DNAJC6: variants seen among roughly 807,000 people sequenced by gnomAD.
The protein encoded by DNAJC6 is DnaJ heat shock protein family (Hsp40) member C6.
In DNAJC6, 34 loss-of-function variants were observed where a neutral mutation model predicts 110.0. The observed-to-expected ratio is 0.31, with a 90% CI of 0.24 to 0.41. DNAJC6 has a LOEUF of 0.41. Ranked by LOEUF, DNAJC6 falls within the 10% of genes least tolerant of loss-of-function variation. The pLI, the probability that DNAJC6 is intolerant of heterozygous loss-of-function variation, is 1.00. For synonymous variants in DNAJC6, 406 were observed against 437.2 expected, an observed-to-expected ratio of 0.93 and a Z score of 0.89; for missense variants, 1,031 against 1,207.8, an observed-to-expected ratio of 0.85 and a Z score of 2.17.
At chr1:65,362,158 G>T (rs546876490) in intron 1 of DNAJC6, among the ~76,000 whole-genome samples, 1 of 19,400 alleles carries the variant, frequency 5.2e-5, no homozygotes, top group African/African-American at 1.1e-3. Context: ...TGGAAGGGTT[G>T]CCTGGGTTCA....
chr1:65,393,512 C>T (rs767114751), intron 12 of DNAJC6, among the ~76,000 whole-genome samples: 5 of 152,158 alleles, frequency 3.3e-5, no homozygotes, highest in South Asian at 2.1e-4. Context: ...TGACTCATGC[C>T]GGAAGCACAG....
chr1:65,351,769 A>AT (rs891670138), intron 1 of DNAJC6, among the ~76,000 whole-genome samples: 1 of 152,118 alleles, frequency 6.6e-6, no homozygotes, highest in South Asian at 2.1e-4. Flanking sequence ...AGTTATATAT[A>AT]TTTTTTTTTT....
intron 1 of DNAJC6, among the ~76,000 whole-genome samples, chr1:65,321,342 A>T (rs1371167402): frequency 6.6e-6 from 1 of 152,152 alleles, no homozygotes; most frequent in Middle Eastern, 3.2e-3. Flanking sequence ...CTAGGACTAC[A>T]GGCATGCACC....
At chr1:65,304,747 A>G (rs1356051199), upstream of DNAJC6, among the ~76,000 whole-genome samples, 4 of 152,192 alleles carry the variant, frequency 2.6e-5, no homozygotes, top group Non-Finnish European at 5.9e-5. Context: ...TTTTGCCACT[A>G]CACTGCAGGT....
At position 65,394,977 on chromosome 1, in the gene DNAJC6, T is replaced by C. The variant is rs12077111; in HGVS notation, c.1983T>C (p.Ser661=). Residue 661 remains serine, a synonymous_variant, in exon 13 of 19, where the codon AGT becomes AGC. Coordinates refer to ENST00000371069, the MANE Select transcript of DNAJC6 (RefSeq NM_001256864.2). ...TGGGTTCTTTTCTGAACACATCCAG[T>C]GCTTCCAGTGACCCCTTTCTCCAGC... The part of the protein sequence containing the change: ...DLLGSFLNTS[S]ASSDPFLQPT... 0.071 allele frequency: 114,334 copies of C among 1,612,020 alleles called. 19,437 individuals are homozygous for C. Among genetic ancestry groups the C allele is most frequent in the East Asian group, 0.6 (26,715 of 44,586 alleles).
intron 1 of DNAJC6, among the ~76,000 whole-genome samples, chr1:65,356,001 G>A (rs1003229332): frequency 6.7e-6 from 1 of 150,234 alleles, no homozygotes. Context: ...TACAGATAAG[G>A]AAATCAAGAC....
chr1:65,274,006 T>C (rs537021408), intron 1 of DNAJC6, among the ~76,000 whole-genome samples: 4 of 152,342 alleles, frequency 2.6e-5, no homozygotes, highest in African/African-American at 9.6e-5. Context: ...GCGGATCTTC[T>C]GTATCCTCAC....
chr1:65,344,379 C>CAGTTGAGG (rs1645417725), intron 1 of DNAJC6, among the ~76,000 whole-genome samples: 9 of 152,164 alleles, frequency 5.9e-5, no homozygotes, highest in Non-Finnish European at 1.0e-4. Context: ...GCATCACACC[C>CAGTTGAGG]TTGAGCATGA....
chr1:65,338,167 A>G (rs927284108), intron 1 of DNAJC6, among the ~76,000 whole-genome samples: 8 of 152,180 alleles, frequency 5.3e-5, no homozygotes, highest in African/African-American at 1.9e-4. Context: ...GGACAGAGCT[A>G]GGAGCAAATT....
chr1:65,384,234 C>T lies in DNAJC6; in HGVS notation c.708C>T (p.Phe236=), dbSNP rs756549226. Residue 236 remains phenylalanine, a synonymous_variant, in exon 6 of 19, where the codon TTC becomes TTT. Transcript: ENST00000371069. Reference sequence around the variant, plus strand: ...CATCAATTCTGGTTGGTGCTATGTTCATTTTCTGTAATCTCTACTCTACTC... The same window carrying T: ...CATCAATTCTGGTTGGTGCTATGTTTATTTTCTGTAATCTCTACTCTACTC... ...AASSILVGAM[F]IFCNLYSTPG... is the part of the protein sequence containing the mutation. The T allele has an allele frequency of 1.9e-6, 3 of 1,580,414 alleles. No homozygotes were observed. The highest frequency in any genetic ancestry group is 2.6e-6 in the Non-Finnish European group (3 of 1,165,958).
intron 1 of DNAJC6, among the ~76,000 whole-genome samples, chr1:65,286,985 T>C (rs1369093305): frequency 2.0e-5 from 3 of 152,192 alleles, no homozygotes; most frequent in Non-Finnish European, 4.4e-5. Flanking sequence ...TTTGCCTCTC[T>C]AGATAAAAGC....
In DNAJC6 at chr1:65,406,231, A is replaced by G; in HGVS notation, c.2491+98A>G. On this transcript the variant is annotated intron_variant, in intron 16 of 18. Coordinates refer to ENST00000371069, the MANE Select transcript of DNAJC6 (RefSeq NM_001256864.2). ...CTGAAGGTGACAGTATTTTCTGGGT[A>G]GTTTCAATTCAGTAGTTTCTGAGGG... is the stretch of plus-strand genomic sequence containing the variant. 6.8e-6 allele frequency: 10 copies of G among 1,474,396 alleles called. No individual in the cohort carries two copies. In the South Asian group the frequency reaches 1.2e-4, roughly 18 times the overall value. The allele number at this position is 1,474,396 out of a possible 1,614,324, so 91.3% of individuals were successfully genotyped here. A position where few individuals can be genotyped will look rare whatever the true frequency, so the allele number is the denominator to read the frequency against.
chr1:65,311,265 C>A (rs184253391), intron 1 of DNAJC6, among the ~76,000 whole-genome samples: 1 of 110,564 alleles, frequency 9.0e-6, no homozygotes, highest in Admixed American at 1.5e-4. Context: ...CACTCTGTTG[C>A]CCGGGCTGGA....
At position 65,378,081 on chromosome 1, in the gene DNAJC6, C is replaced by T. The variant is rs926675898; in HGVS notation, c.544-1321C>T. On this transcript the variant is annotated intron_variant, in intron 4 of 18. Transcript: ENST00000371069. The stretch of plus-strand genomic sequence containing the variant: ...TCACCTGTCTTATGTCCAGGTGTCC[C>T]ACCACCTATCTCCTGAGTCCCTCAA... Among the ~76,000 whole-genome samples, 8 of 133,290 alleles carry T rather than the reference C, an allele frequency of 6.0e-5. No homozygotes were observed. The South Asian group carries it at 7.2e-4, about 12-fold the overall frequency. The allele number at this position is 133,290 out of a possible 152,430, so 87.4% of individuals were successfully genotyped here. A position where few individuals can be genotyped will look rare whatever the true frequency, so the allele number is the denominator to read the frequency against.
chr1:65,323,965 C>T (rs1645218716), intron 1 of DNAJC6, among the ~76,000 whole-genome samples: 1 of 152,176 alleles, frequency 6.6e-6, no homozygotes, highest in African/African-American at 2.4e-5. Flanking sequence ...GAATAGAAAA[C>T]TGCTCACTGT....
intron 1 of DNAJC6, among the ~76,000 whole-genome samples, chr1:65,341,792 T>G (rs1363950581): frequency 2.7e-5 from 4 of 145,848 alleles, no homozygotes; most frequent in East Asian, 2.2e-4. Context: ...TGTGTGCCTG[T>G]GGGGTGGGTG....
chr1:65,320,285 C>T (rs1195180031), intron 1 of DNAJC6, among the ~76,000 whole-genome samples: 2 of 152,202 alleles, frequency 1.3e-5, no homozygotes, highest in Non-Finnish European at 2.9e-5. Context: ...CCATTTCTTC[C>T]CCTCCATCTC....
At chr1:65,299,225 A>G (rs1000603528) in intron 1 of DNAJC6, among the ~76,000 whole-genome samples, 3 of 152,190 alleles carry the variant, frequency 2.0e-5, no homozygotes, top group African/African-American at 7.2e-5. Context: ...AATAAGTCAG[A>G]CTCTCTCATT....
chr1:65,377,920 A>G (rs1369022293), intron 4 of DNAJC6, among the ~76,000 whole-genome samples: 2 of 152,202 alleles, frequency 1.3e-5, no homozygotes. Context: ...TCCGTATCTC[A>G]GGAAATAGCA....
Sources: allele counts gnomAD v4.1 joint callset (sites outside exome capture counted in the v4.1 genomes callset), GRCh38; gene constraint gnomAD v4.1.1; transcripts MANE v1.5; gene names NCBI Gene and HGNC (gene_info 2026-07-23, HGNC 2026-07-21).